TNXB: variants seen among roughly 807,000 people sequenced by gnomAD.
TNXB encodes the protein tenascin XB, also known as tenascin-X.
Under a neutral mutation model 340.5 loss-of-function variants are expected in TNXB, and 183 were observed. The ratio of observed to expected loss-of-function variants is 0.54; its 90% CI spans 0.48 to 0.61. The LOEUF (loss-of-function observed/expected upper bound fraction) is 0.61. Among genes scored for constraint, TNXB ranks in the 20% least tolerant of loss-of-function variants. The probability of loss-of-function intolerance (pLI) is 0.00; values close to 1 mark genes in which losing one functional copy is unlikely to be tolerated. For missense variants in TNXB, 4,613 were observed against 5,446.4 expected, an observed-to-expected ratio of 0.85 and a Z score of 4.82; for synonymous variants, 2,121 against 2,314.5, an observed-to-expected ratio of 0.92 and a Z score of 2.40.
Position 32,053,635 on chromosome 6 carries a change from C to A in TNXB, c.8544G>T (p.Gly2848=), listed in dbSNP as rs1453698178. 6.2e-7 allele frequency: 1 copy of A among 1,613,412 alleles called. No individual in the cohort carries two copies. The highest frequency in any genetic ancestry group is 1.1e-5 in the South Asian group (1 of 91,066). ...TPEPPNKPRL[G]ELTVTDATPD... ...GGGTGGCATCTGTCACGGTCAGCTCCCCGAGGCGAGGCTTGTTGGGGGGCT... is the reference window on the plus strand; with the variant it reads ...GGGTGGCATCTGTCACGGTCAGCTCACCGAGGCGAGGCTTGTTGGGGGGCT... The change falls in exon 25 of 44, where the codon GGG becomes GGT. Residue 2848 remains glycine (G), a synonymous_variant. Coordinates refer to ENST00000644971, the MANE Select transcript of TNXB (RefSeq NM_001365276.2).
In TNXB at chr6:32,051,683, C is replaced by A. The variant is rs1777290302; in HGVS notation, c.9115+987G>T. ...CTTTGGGAGGTCAAGGTGGGAGACT[C>A]GCTTGAGGCCAGGAGTTTGAGACCA... is the stretch of plus-strand genomic sequence containing the variant. On this transcript the variant is annotated intron_variant, in intron 26 of 43. Coordinates refer to ENST00000644971, the MANE Select transcript of TNXB (RefSeq NM_001365276.2). This position sits in a 1 kb window ranked among gnomAD's most constrained non-coding sequence, Gnocchi z 4.7. Among the ~76,000 whole-genome samples, 1 of 151,916 alleles carries A rather than the reference C, an allele frequency of 6.6e-6. No homozygotes were observed. The highest frequency in any genetic ancestry group is 1.5e-5 in the Non-Finnish European group (1 of 67,988).
At position 32,095,093 on chromosome 6, in the gene TNXB, T is replaced by C; in HGVS notation, c.2341A>G (p.Ile781Val). Residue 781 changes from isoleucine to valine, a missense_variant, in exon 4 of 44, where the codon ATT becomes GTT. This residue lies in a region of TNXB where 4,327 missense variants were observed against 4,859.4 expected (regional missense o/e 0.89). Coordinates refer to ENST00000644971, the MANE Select transcript of TNXB (RefSeq NM_001365276.2). Reference protein sequence around the residue: ...PAPGPVDAYEIQFIPTTEGAS... With the variant: ...PAPGPVDAYEVQFIPTTEGAS... ...TCTCTCACCGTGGGGATGAACTGAA[T>C]TTCATAGGCATCCACGGGGCCAGGA... 2.6e-6 allele frequency: 4 copies of C among 1,548,982 alleles called. No individual in the cohort carries two copies. In the Middle Eastern group the frequency reaches 6.7e-4, roughly 259 times the overall value.
chr6:32,101,077 C>CAAA (rs35800696), intron 1 of TNXB, among the ~76,000 whole-genome samples: 2,498 of 46,702 alleles, frequency 0.053, 194 homozygotes, highest in Admixed American at 0.094. Flanking sequence ...AACTCCATCT[C>CAAA]AAAAAAAAAA....
chr6:32,050,802 C>T (rs1486939532), intron 26 of TNXB, among the ~76,000 whole-genome samples: 1 of 152,140 alleles, frequency 6.6e-6, no homozygotes. Context: ...CCCCAACCTC[C>T]AGTCCCCGAT....
chr6:32,067,520 G>T lies in TNXB; in HGVS notation c.6544+141C>A. 1 of 1,228,704 alleles carries T rather than the reference G, an allele frequency of 8.1e-7. No homozygotes were observed. Among genetic ancestry groups the T allele is most frequent in the Non-Finnish European group, 1.1e-6 (1 of 917,312 alleles). The allele number at this position is 1,228,704 out of a possible 1,614,324, so 76.1% of individuals were successfully genotyped here. ...CCTGGATTTGCTCTCTCTGTCCCCA[G>T]ATCACACCTGTCCTGAGCCTTTAGT... On this transcript the variant is annotated intron_variant, in intron 18 of 43. Coordinates refer to ENST00000644971, the MANE Select transcript of TNXB (RefSeq NM_001365276.2). This position sits in a 1 kb window ranked among gnomAD's most constrained non-coding sequence, Gnocchi z 4.2.
chr6:32,043,560 G>C lies in TNXB; in HGVS notation c.11531-4C>G, dbSNP rs1776595142. On this transcript the variant is annotated splice_region_variant and splice_polypyrimidine_tract_variant and intron_variant, in intron 35 of 43. Transcript: ENST00000644971. Reference sequence around the variant, plus strand: ...AACTGTGTGGGACCGTCAGGAACTGGGGGAAGGGGAGGGGCTCAGAAGGGT... The same window carrying C: ...AACTGTGTGGGACCGTCAGGAACTGCGGGAAGGGGAGGGGCTCAGAAGGGT... The C allele has an allele frequency of 9.5e-7, 1 of 1,047,850 alleles. No homozygotes were observed. Among genetic ancestry groups the C allele is most frequent in the Non-Finnish European group, 1.4e-6 (1 of 699,302 alleles). 64.9% of individuals were successfully genotyped at this position (1,047,850 alleles called of 1,614,324 possible).
chr6:32,082,113 T>C lies in TNXB; in HGVS notation c.3659A>G (p.Asp1220Gly), dbSNP rs757169367. ...AAACAGAGTGAATCTGTACTTGTGG[T>C]CAGGGTCCAGTGAGGAGACAACAAA... is the stretch of plus-strand genomic sequence containing the variant. ...RSFVVSSLDP[D>G]HKYRFTLFGI... Residue 1220 changes from aspartate (D) to glycine (G), a missense_variant, in exon 9 of 44, where the codon GAC (aspartate) becomes GGC (glycine). Asp to Gly is a moderately conservative substitution (Grantham distance 94). This residue lies in a region of TNXB where 4,327 missense variants were observed against 4,859.4 expected (regional missense o/e 0.89). Coordinates refer to ENST00000644971, the MANE Select transcript of TNXB (RefSeq NM_001365276.2). The surrounding 1 kb of genome is among the most constrained non-coding windows in gnomAD (Gnocchi z 5.0). 6.2e-7 allele frequency: 1 copy of C among 1,611,390 alleles called. No individual in the cohort carries two copies. The highest frequency in any genetic ancestry group is 8.5e-7 in the Non-Finnish European group (1 of 1,179,008).
In TNXB at chr6:32,085,545, C is replaced by A. The variant is rs1454739415; in HGVS notation, c.3148+205G>T. On this transcript the variant is annotated intron_variant, in intron 7 of 43. Transcript: ENST00000644971. This position sits in a 1 kb window ranked among gnomAD's most constrained non-coding sequence, Gnocchi z 6.4. ...GCCTCTTTCCCCTCTCCCCACCCAT[C>A]CTTATCATTGTTTTAAGATCCCCCT... Among the ~76,000 whole-genome samples, 1 of 152,168 alleles carries A rather than the reference C, an allele frequency of 6.6e-6. No individual in the cohort carries two copies. Among genetic ancestry groups the A allele is most frequent in the Admixed American group, 6.5e-5 (1 of 15,288 alleles).
In TNXB at chr6:32,095,729, G is replaced by A. The variant is rs1780294058; in HGVS notation, c.2124C>T (p.Gly708=). The part of the protein sequence containing the change: ...CRAGQCVCVE[G]FRGPDCAIQT... ...GGATGGCACAGTCAGGGCCTCGGAA[G>A]CCCTCTACACACACACACTGGCCTG... The change falls in exon 3 of 44, where the codon GGC becomes GGT. Residue 708 remains glycine (G), a synonymous_variant. Transcript: ENST00000644971. 1 of 1,614,014 alleles carries A rather than the reference G, an allele frequency of 6.2e-7. No homozygotes were observed. Among genetic ancestry groups the A allele is most frequent in the Non-Finnish European group, 8.5e-7 (1 of 1,179,880 alleles).
Position 32,068,707 on chromosome 6 carries a change from A to G in TNXB, c.5903T>C (p.Val1968Ala), listed in dbSNP as rs2151914968. 6.2e-7 allele frequency: 1 copy of G among 1,612,814 alleles called. No individual in the cohort carries two copies. Among genetic ancestry groups the G allele is most frequent in the East Asian group, 2.2e-5 (1 of 44,852 alleles). ...VGPVHVEALT[V>A]PEEEKPSEPP... ...TTCTGAAGGCTTCTCCTCCTCCGGG[A>G]CTGGACAGAGACATGGAAAGAGAGG... The change falls in exon 17 of 44, where the codon GTC (valine) becomes GCC (alanine). Residue 1968 changes from valine to alanine, a missense_variant and splice_region_variant. Coordinates refer to ENST00000644971, the MANE Select transcript of TNXB (RefSeq NM_001365276.2). The surrounding 1 kb of genome is among the most constrained non-coding windows in gnomAD (Gnocchi z 5.3).
intron 11 of TNXB, 103 bp downstream of exon 11, chr6:32,078,930 G>T: frequency 7.9e-7 from 1 of 1,260,048 alleles, no homozygotes; most frequent in Non-Finnish European, 1.1e-6. Flanking sequence ...TCCCCTGGCA[G>T]GCAGCCTCAA....
rs1310330458 is a variant in TNXB, at chr6:32,051,906, G to A, written c.9115+764C>T. Among the ~76,000 whole-genome samples the A allele has an allele frequency of 2.0e-5, 3 of 152,218 alleles. No individual in the cohort carries two copies. Among genetic ancestry groups the A allele is most frequent in the Non-Finnish European group, 4.4e-5 (3 of 68,048 alleles). On this transcript the variant is annotated intron_variant, in intron 26 of 43. Transcript: ENST00000644971. The surrounding 1 kb of genome is among the most constrained non-coding windows in gnomAD (Gnocchi z 4.7). ...TCATAGAGACAGAGAGTAGAATGGT[G>A]TTGCCAGGGGCTGGGGCAAGGGGAG...
Position 32,085,993 on chromosome 6 carries a change from G to A in TNXB, c.2905C>T (p.Leu969=). 6.2e-7 allele frequency: 1 copy of A among 1,607,250 alleles called. No individual in the cohort carries two copies. Among genetic ancestry groups the A allele is most frequent in the Non-Finnish European group, 8.5e-7 (1 of 1,178,504 alleles). Residue 969 remains leucine, a synonymous_variant, in exon 7 of 44, where the codon CTG becomes TTG. Transcript: ENST00000644971. The surrounding 1 kb of genome is among the most constrained non-coding windows in gnomAD (Gnocchi z 6.4). Reference sequence around the variant, plus strand: ...AGGCGCCCTGTCTCATCTCTGCCCAGCACCCTCAACTCTCCCAGCTCCTGG... The same window carrying A: ...AGGCGCCCTGTCTCATCTCTGCCCAACACCCTCAACTCTCCCAGCTCCTGG... ...RPQELGELRV[L]GRDETGRLRV... is the part of the protein sequence containing the mutation.
chr6:32,107,303 G>C (rs974307774), intron 1 of TNXB, among the ~76,000 whole-genome samples: 2 of 152,178 alleles, frequency 1.3e-5, no homozygotes, highest in African/African-American at 2.4e-5. Flanking sequence ...AAGGAGTGAA[G>C]AGAGCTCACC....
At position 32,087,413 on chromosome 6, in the gene TNXB, G is replaced by A. The variant is rs1383655616; in HGVS notation, c.2780-1295C>T. ...CCGGGGCCCTCTGCAGGCGGCTGAGGCCGCCAGCGCAGCACCACGCGCTCG... is the reference window on the plus strand; with the variant it reads ...CCGGGGCCCTCTGCAGGCGGCTGAGACCGCCAGCGCAGCACCACGCGCTCG... On this transcript the variant is annotated intron_variant, in intron 6 of 43. Transcript: ENST00000644971. This position sits in a 1 kb window ranked among gnomAD's most constrained non-coding sequence, Gnocchi z 9.0. 8.5e-6 allele frequency: 4 copies of A among 472,656 alleles called. No individual in the cohort carries two copies. Among genetic ancestry groups the A allele is most frequent in the South Asian group, 4.5e-5 (3 of 66,176 alleles). The allele number at this position is 472,656 out of a possible 1,614,324, so 29.3% of individuals were successfully genotyped here. A position where few individuals can be genotyped will look rare whatever the true frequency, so the allele number is the denominator to read the frequency against.
rs1277759499 is a variant in TNXB, at chr6:32,089,878, G to A, written c.2359-499C>T. On this transcript the variant is annotated intron_variant, in intron 4 of 43. Transcript: ENST00000644971. This position sits in a 1 kb window ranked among gnomAD's most constrained non-coding sequence, Gnocchi z 6.2. ...GCAACTCTGACTACCTGGGCATGAGGAGCCTTTTCCTAAGCTTGGTCCTGT... is the reference window on the plus strand; with the variant it reads ...GCAACTCTGACTACCTGGGCATGAGAAGCCTTTTCCTAAGCTTGGTCCTGT... Among the ~76,000 whole-genome samples, 1 of 152,146 alleles carries A rather than the reference G, an allele frequency of 6.6e-6. No homozygotes were observed. Among genetic ancestry groups the A allele is most frequent in the African/African-American group, 2.4e-5 (1 of 41,418 alleles).
Position 32,061,296 on chromosome 6 carries a change from G to A in TNXB, c.7492+101C>T. On this transcript the variant is annotated intron_variant, in intron 21 of 43. Transcript: ENST00000644971. The surrounding 1 kb of genome is among the most constrained non-coding windows in gnomAD (Gnocchi z 4.4). ...GGCACAGAGGGAGGGCAGGACACAG[G>A]AGACAAGTCTGGACCCACAGGGCTT... The A allele has an allele frequency of 6.6e-7, 1 of 1,503,932 alleles. No individual in the cohort carries two copies. 93.2% of individuals were successfully genotyped at this position (1,503,932 alleles called of 1,614,324 possible).
In TNXB at chr6:32,049,176, G is replaced by A. The variant is rs926685736; in HGVS notation, c.9757+94C>T. On this transcript the variant is annotated intron_variant, in intron 28 of 43. Coordinates refer to ENST00000644971, the MANE Select transcript of TNXB (RefSeq NM_001365276.2). This position sits in a 1 kb window ranked among gnomAD's most constrained non-coding sequence, Gnocchi z 4.5. ...ACATGGGAGAAAAGACAGAAACCTAGAGGCCCAGTCAAAAGAGGTGCCAAG... is the reference window on the plus strand; with the variant it reads ...ACATGGGAGAAAAGACAGAAACCTAAAGGCCCAGTCAAAAGAGGTGCCAAG... 34 of 1,443,178 alleles carry A rather than the reference G, an allele frequency of 2.4e-5. No homozygotes were observed. Among genetic ancestry groups the A allele is most frequent in the Non-Finnish European group, 3.0e-5 (33 of 1,090,390 alleles). The allele number at this position is 1,443,178 out of a possible 1,614,324, so 89.4% of individuals were successfully genotyped here. A position where few individuals can be genotyped will look rare whatever the true frequency, so the allele number is the denominator to read the frequency against.
At position 32,086,206 on chromosome 6, in the gene TNXB, T is replaced by G; in HGVS notation, c.2780-88A>C. On this transcript the variant is annotated intron_variant, in intron 6 of 43. Coordinates refer to ENST00000644971, the MANE Select transcript of TNXB (RefSeq NM_001365276.2). Reference sequence around the variant, plus strand: ...AGTCCCCAGGTTCTGCCCTCCAGCCTCTAAGAGCCTTGTTCTACTTCTACT... The same window carrying G: ...AGTCCCCAGGTTCTGCCCTCCAGCCGCTAAGAGCCTTGTTCTACTTCTACT... The G allele has an allele frequency of 2.9e-6, 4 of 1,389,336 alleles. No individual in the cohort carries two copies. In the South Asian group the frequency reaches 6.7e-5, roughly 23 times the overall value. 86.1% of individuals were successfully genotyped at this position (1,389,336 alleles called of 1,614,324 possible).
Sources: allele counts gnomAD v4.1 joint callset (sites outside exome capture counted in the v4.1 genomes callset), GRCh38; gene constraint gnomAD v4.1.1; regional missense constraint gnomAD v4.1.1; non-coding constraint Gnocchi (gnomAD v3.1); transcripts MANE v1.5; gene names NCBI Gene and HGNC (gene_info 2026-07-23, HGNC 2026-07-21).